The following GPR137 variants were observed in gnomAD, a reference collection of about 807,000 sequenced individuals.
GPR137 encodes the protein integral membrane protein GPR137.
Under a neutral mutation model 38.9 loss-of-function variants are expected in GPR137, and 20 were observed. The ratio of observed to expected loss-of-function variants is 0.51; its 90% CI spans 0.36 to 0.75. The LOEUF (loss-of-function observed/expected upper bound fraction) is 0.75. Among genes scored for constraint, GPR137 ranks in the 30% least tolerant of loss-of-function variants. GPR137 has a pLI of 0.00. For synonymous variants in GPR137, 226 were observed against 235.8 expected, an observed-to-expected ratio of 0.96 and a Z score of 0.38; for missense variants, 456 against 526.4, an observed-to-expected ratio of 0.87 and a Z score of 1.31.
rs1241536238 is a variant in GPR137 at position 64,288,692 on chromosome 11, C to T, written c.1002C>T (p.Ser334=). ...RAGHCEDEGC[S]WEHSRGESTS... ...GGCACTGTGAAGATGAGGGCTGCTC[C>T]TGGGAGCACAGCCGGGGTGAGAGCA... The change falls in exon 6 of 7, where the codon TCC becomes TCT. Residue 334 remains serine, a synonymous_variant. Coordinates refer to ENST00000438980, the MANE Select transcript of GPR137 (RefSeq NM_001170880.2). The surrounding 1 kb of genome is among the most constrained non-coding windows in gnomAD (Gnocchi z 5.5). 2.5e-6 allele frequency: 4 copies of T among 1,581,718 alleles called. No homozygotes were observed. Among genetic ancestry groups the T allele is most frequent in the Non-Finnish European group, 3.4e-6 (4 of 1,162,570 alleles).
intron 2 of GPR137, chr11:64,276,654 A>G (rs1591154303): frequency 4.3e-6 from 2 of 468,102 alleles, no homozygotes; most frequent in South Asian, 2.9e-5. Flanking sequence ...AAAGTGTTCT[A>G]TTTACAGGGA....
At chr11:64,271,488 C>G, upstream of GPR137, 1 of 1,013,012 alleles carries the variant, frequency 9.9e-7, no homozygotes, top group Non-Finnish European at 1.3e-6. Context: ...TAGGAAGGAA[C>G]AGGACGGCTT....
chr11:64,284,418 C>T, upstream of GPR137: 7 of 1,608,874 alleles, frequency 4.4e-6, no homozygotes, highest in Non-Finnish European at 5.9e-6. Flanking sequence ...ACAGCTGGGG[C>T]CAACGGTGGC....
Position 64,289,079 on chromosome 11 carries a change from C to T in GPR137, c.1074C>T (p.Ile358=), listed in dbSNP as rs201737201. 1,238 of 1,607,620 alleles carry T rather than the reference C, an allele frequency of 7.7e-4. No homozygotes were observed. Among genetic ancestry groups the T allele is most frequent in the Admixed American group, 9.2e-4 (55 of 59,762 alleles). ...SLGSGSWYGA[I]GREPGWYGGS... ...GCTCTGGGAGCTGGTATGGTGCCATCGGGCGTGAGCCGGGCTGGTATGGGG... is the reference window on the plus strand; with the variant it reads ...GCTCTGGGAGCTGGTATGGTGCCATTGGGCGTGAGCCGGGCTGGTATGGGG... Residue 358 remains isoleucine (I), a synonymous_variant, in exon 7 of 7, where the codon ATC becomes ATT. Transcript: ENST00000438980.
At chr11:64,281,315 C>T (rs1462414429), upstream of GPR137, among the ~76,000 whole-genome samples, 1 of 152,142 alleles carries the variant, frequency 6.6e-6, no homozygotes, top group Non-Finnish European at 1.5e-5. Context: ...CTCTCTTTCC[C>T]TCGCACCCCA....
At chr11:64,284,709 G>T (rs2033747749), upstream of GPR137, 2 of 1,535,820 alleles carry the variant, frequency 1.3e-6, no homozygotes, top group Admixed American at 3.9e-5. Context: ...CTAGTTGCTT[G>T]GGCAACGGGA....
upstream of GPR137, chr11:64,271,964 C>A: frequency 2.1e-6 from 1 of 476,080 alleles, no homozygotes; most frequent in Non-Finnish European, 3.4e-6. Flanking sequence ...GTATGTGAAT[C>A]GAGGGGAAGC....
At chr11:64,284,156 G>A, upstream of GPR137, 1 of 1,545,526 alleles carries the variant, frequency 6.5e-7, no homozygotes, top group African/African-American at 1.4e-5. Flanking sequence ...AGGTGTCCCG[G>A]CAGGTGGAGG....
upstream of GPR137, chr11:64,270,720 A>G: frequency 4.1e-6 from 2 of 489,822 alleles, no homozygotes; most frequent in Non-Finnish European, 8.0e-6. Context: ...CTTTGAGGCC[A>G]GGAGTTCCAG....
intron 2 of GPR137, among the ~76,000 whole-genome samples, chr11:64,279,054 G>A (rs907404946): frequency 6.6e-6 from 1 of 152,118 alleles, no homozygotes; most frequent in African/African-American, 2.4e-5. Context: ...GTCGTCCCTG[G>A]CCTGTGCAGA....
chr11:64,288,000 C>T (rs769271473), intron 3 of GPR137, 54 bp downstream of exon 3: 2 of 1,602,632 alleles, frequency 1.2e-6, no homozygotes, highest in African/African-American at 2.7e-5. Flanking sequence ...GGCAGCGGTT[C>T]TCAGGGTGTA....
Position 64,285,877 on chromosome 11 carries a change from C to G in GPR137, c.-648C>G. The G allele has an allele frequency of 1.4e-5, 14 of 980,178 alleles. No homozygotes were observed. The highest frequency in any genetic ancestry group is 1.6e-5 in the Non-Finnish European group (13 of 825,174). 60.7% of individuals were successfully genotyped at this position (980,178 alleles called of 1,614,324 possible). On this transcript the variant is annotated 5_prime_UTR_variant, in exon 1 of 7. Coordinates refer to ENST00000438980, the MANE Select transcript of GPR137 (RefSeq NM_001170880.2). ...CAGCGGGAGCCGGGGAGCCGGAGCC[C>G]CGGGTCCCCACGACCTGAGCCGGCT...
In GPR137 at chr11:64,289,187, A is replaced by G. The variant is rs59138617; in HGVS notation, c.1182A>G (p.Pro394=). ...ACCACCACAGTCTCTACTCCACCCC[A>G]CAGACGTGATCCCCCTCCCTCCCCC... ...GGHHHSLYST[P]QT is the part of the protein sequence containing the mutation. Residue 394 remains proline (P), a synonymous_variant, in exon 7 of 7, where the codon CCA becomes CCG. Transcript: ENST00000438980. 1.4e-4 allele frequency: 232 copies of G among 1,612,738 alleles called. No individual in the cohort carries two copies. In the African/African-American group the frequency reaches 2.9e-3, roughly 20 times the overall value.
rs1382251589 is a variant in GPR137 at position 64,289,099 on chromosome 11, A to G, written c.1094A>G (p.Tyr365Cys). The G allele has an allele frequency of 6.2e-7, 1 of 1,612,270 alleles. No individual in the cohort carries two copies. Among genetic ancestry groups the G allele is most frequent in the South Asian group, 1.1e-5 (1 of 91,056 alleles). The change falls in exon 7 of 7, where the codon TAT (tyrosine) becomes TGT (cysteine). Residue 365 changes from tyrosine to cysteine, a missense_variant. Physicochemically the swap from Tyr to Cys is radical, Grantham distance 194. Transcript: ENST00000438980. ...YGAIGREPGW[Y>C]GGSQTKTTPL... ...GCCATCGGGCGTGAGCCGGGCTGGT[A>G]TGGGGGCAGCCAGACGAAGACCACT...
At chr11:64,284,124 G>A, upstream of GPR137, 1 of 1,508,028 alleles carries the variant, frequency 6.6e-7, no homozygotes, top group Non-Finnish European at 8.8e-7. Flanking sequence ...CTGGGATGCA[G>A]GGAGCCAGTG....
chr11:64,284,936 G>A (rs769031757), upstream of GPR137: 3 of 1,406,346 alleles, frequency 2.1e-6, no homozygotes, highest in Admixed American at 6.1e-5. Context: ...TCCCCATTTG[G>A]AACCTGGAGA....
Position 64,286,561 on chromosome 11 carries a change from G to C in GPR137, c.37G>C (p.Gly13Arg). The C allele has an allele frequency of 6.2e-7, 1 of 1,612,948 alleles. No homozygotes were observed. The highest frequency in any genetic ancestry group is 8.5e-7 in the Non-Finnish European group (1 of 1,179,324). The change falls in exon 1 of 7, where the codon GGG (glycine) becomes CGG (arginine). Residue 13 changes from glycine (G) to arginine (R), a missense_variant. By Grantham distance (125) the Gly-to-Arg change is moderately radical (BLOSUM62 -2). Transcript: ENST00000438980. ...CCTGTCTGGCCTGGTGCCTGCTGCC[G>C]GGCTGGTGCCTGCGCTGCCACCTGC... ...SNLSGLVPAAGLVPALPPAVT... is the reference protein window; with the variant it reads ...SNLSGLVPAARLVPALPPAVT...
At position 64,289,242 on chromosome 11, in the gene GPR137, C is replaced by T; in HGVS notation, c.*46C>T. 4.3e-6 allele frequency: 7 copies of T among 1,612,092 alleles called. No individual in the cohort carries two copies. Among genetic ancestry groups the T allele is most frequent in the Non-Finnish European group, 5.9e-6 (7 of 1,178,574 alleles). On this transcript the variant is annotated 3_prime_UTR_variant, in exon 7 of 7. Coordinates refer to ENST00000438980, the MANE Select transcript of GPR137 (RefSeq NM_001170880.2). ...AATACCCAGGCCCCAGTCCCCCTCA[C>T]CCTAGGCCCCTGTGCCAAGTTTGTC...
At position 64,285,866 on chromosome 11, in the gene GPR137, G is replaced by T; in HGVS notation, c.-659G>T. The stretch of plus-strand genomic sequence containing the variant: ...GGGGGGCGGAGCAGCGGGAGCCGGG[G>T]AGCCGGAGCCCCGGGTCCCCACGAC... On this transcript the variant is annotated 5_prime_UTR_variant, in exon 1 of 7. Transcript: ENST00000438980. 1.0e-6 allele frequency: 1 copy of T among 982,496 alleles called. No homozygotes were observed. The highest frequency in any genetic ancestry group is 1.2e-6 in the Non-Finnish European group (1 of 827,256). 60.9% of individuals were successfully genotyped at this position (982,496 alleles called of 1,614,324 possible).
Sources: allele counts gnomAD v4.1 joint callset (sites outside exome capture counted in the v4.1 genomes callset), GRCh38; gene constraint gnomAD v4.1.1; non-coding constraint Gnocchi (gnomAD v3.1); transcripts MANE v1.5; gene names NCBI Gene and HGNC (gene_info 2026-07-23, HGNC 2026-07-21).